RASA3: variants seen among roughly 807,000 people sequenced by gnomAD.
RASA3 encodes the protein ras GTPase-activating protein 3.
Under a neutral mutation model 110.0 loss-of-function variants are expected in RASA3, and 73 were observed. The observed-to-expected ratio is 0.66, with a 90% CI of 0.55 to 0.81. RASA3 has a LOEUF of 0.81. Ranked by LOEUF, RASA3 falls within the 30% of genes least tolerant of loss-of-function variation. RASA3 has a pLI of 0.00. For synonymous variants in RASA3, 500 were observed against 451.4 expected, an observed-to-expected ratio of 1.11 and a Z score of -1.37; for missense variants, 976 against 1,113.2, an observed-to-expected ratio of 0.88 and a Z score of 1.75.
intron 15 of RASA3, 84 bp downstream of exon 15, chr13:114,013,058 C>T (rs2053675607): frequency 1.7e-6 from 2 of 1,151,008 alleles, no homozygotes; most frequent in Non-Finnish European, 2.5e-6. Flanking sequence ...CACGGTCGGC[C>T]CCCTACAGCC....
At chr13:114,054,741 T>C (rs1265152156) in intron 2 of RASA3, among the ~76,000 whole-genome samples, 1 of 152,242 alleles carries the variant, frequency 6.6e-6, no homozygotes, top group Non-Finnish European at 1.5e-5. Flanking sequence ...TATCTTTCAA[T>C]GAAGGCAGAA....
intron 10 of RASA3, 70 bp downstream of exon 10, chr13:114,018,693 G>A: frequency 1.3e-6 from 2 of 1,570,902 alleles, no homozygotes; most frequent in South Asian, 2.3e-5. Flanking sequence ...GGTGGGCCCG[G>A]GTGTAGGGTG....
Position 114,021,469 on chromosome 13 carries a change from A to G in RASA3, c.720T>C (p.Asp240=). The change falls in exon 9 of 24, where the codon GAT becomes GAC. Residue 240 remains aspartate (D), a synonymous_variant. Transcript: ENST00000334062. ...LWNASNLKFG[D]EFLGELRIPL... ...GGATCCTTAGTTCTCCCAGGAATTC[A>G]TCTCCAAACTTCAGGTTACTGGCAT... is the stretch of plus-strand genomic sequence containing the variant. The G allele has an allele frequency of 6.2e-7, 1 of 1,614,012 alleles. No homozygotes were observed. Among genetic ancestry groups the G allele is most frequent in the East Asian group, 2.2e-5 (1 of 44,880 alleles).
At position 114,027,887 on chromosome 13, in the gene RASA3, A is replaced by G; in HGVS notation, c.490T>C (p.Cys164Arg). The G allele has an allele frequency of 6.2e-7, 1 of 1,613,920 alleles. No individual in the cohort carries two copies. Among genetic ancestry groups the G allele is most frequent in the South Asian group, 1.1e-5 (1 of 91,078 alleles). Residue 164 changes from cysteine (C) to arginine (R), a missense_variant, in exon 6 of 24, where the codon TGT becomes CGT. Cys to Arg is a radical substitution (Grantham distance 180). Transcript: ENST00000334062. Reference sequence around the variant, plus strand: ...AGCGTCACGGTGGCGTAGGGGTCACATTGCCCATTCACGATGGGGAGGCCC... The same window carrying G: ...AGCGTCACGGTGGCGTAGGGGTCACGTTGCCCATTCACGATGGGGAGGCCC... ...CQGLPIVNGQ[C>R]DPYATVTLAG...
intron 18 of RASA3, among the ~76,000 whole-genome samples, chr13:114,005,461 A>T (rs890402650): frequency 6.6e-6 from 1 of 152,042 alleles, no homozygotes; most frequent in Non-Finnish European, 1.5e-5. Context: ...TGGGACACAG[A>T]CGTCCCCCTC....
chr13:114,080,164 GTCCAGGGCTC>G (rs2079760287), intron 1 of RASA3, among the ~76,000 whole-genome samples: 1 of 152,162 alleles, frequency 6.6e-6, no homozygotes, highest in Non-Finnish European at 1.5e-5. Flanking sequence ...CCCAGGTCTT[GTCCAGGGCTC>G]TCCAGGGCAC....
intron 3 of RASA3, among the ~76,000 whole-genome samples, chr13:114,041,346 A>G (rs1400549240): frequency 6.6e-6 from 1 of 152,286 alleles, no homozygotes; most frequent in African/African-American, 2.4e-5. Context: ...TGAGCCGGGC[A>G]TGGTGGCACT....
chr13:114,020,468 G>A lies in RASA3; in HGVS notation c.785+936C>T, dbSNP rs114084196. ...GGGGGCCTGTGCCCGTGCCGTCTTC[G>A]TAGAATCAAAAGACACGCGTGTTTC... On this transcript the variant is annotated intron_variant, in intron 9 of 23. Transcript: ENST00000334062. 9.7e-3 allele frequency among the ~76,000 whole-genome samples: 1,480 copies of A among 152,314 alleles called. 26 individuals carry two copies. Among genetic ancestry groups the A allele is most frequent in the African/African-American group, 0.034 (1,408 of 41,556 alleles).
At chr13:114,103,014 C>T (rs560129890) in intron 1 of RASA3, among the ~76,000 whole-genome samples, 51 of 152,296 alleles carry the variant, frequency 3.3e-4, no homozygotes, top group African/African-American at 1.2e-3. Flanking sequence ...AGTGAGGCTG[C>T]GATGCTGTCA....
intron 22 of RASA3, among the ~76,000 whole-genome samples, chr13:113,991,360 T>A (rs1437879722): frequency 6.6e-6 from 1 of 152,202 alleles, no homozygotes; most frequent in Non-Finnish European, 1.5e-5. Context: ...TTGACACTTC[T>A]GGGTTAAATC....
At chr13:114,037,767 T>C (rs1309984594) in intron 4 of RASA3, among the ~76,000 whole-genome samples, 1 of 152,094 alleles carries the variant, frequency 6.6e-6, no homozygotes, top group Non-Finnish European at 1.5e-5. Context: ...ACTGGTGAAA[T>C]CTGGATAACA....
intron 22 of RASA3, among the ~76,000 whole-genome samples, chr13:113,990,853 G>A (rs1036262777): frequency 6.6e-6 from 1 of 152,196 alleles, no homozygotes; most frequent in Non-Finnish European, 1.5e-5. Context: ...TGTATTGCTG[G>A]GAACATGTGT....
At chr13:114,023,445 C>A (rs1467738778) in intron 8 of RASA3, among the ~76,000 whole-genome samples, 5 of 152,294 alleles carry the variant, frequency 3.3e-5, no homozygotes, top group East Asian at 3.9e-4. Context: ...GATTCGGGGG[C>A]TTCAGGGGAG....
At chr13:114,123,787 A>G (rs1415790576) in intron 1 of RASA3, among the ~76,000 whole-genome samples, 1 of 152,180 alleles carries the variant, frequency 6.6e-6, no homozygotes, top group African/African-American at 2.4e-5. Flanking sequence ...GCAGGTCCTA[A>G]GTGGACATCT....
At chr13:114,063,189 G>T (rs1322326550) in intron 2 of RASA3, among the ~76,000 whole-genome samples, 2 of 151,884 alleles carry the variant, frequency 1.3e-5, no homozygotes, top group Non-Finnish European at 2.9e-5. Flanking sequence ...TATTTTTAAA[G>T]AAACAAAATT....
At chr13:114,106,717 TG>T (rs2080139770) in intron 1 of RASA3, among the ~76,000 whole-genome samples, 3 of 152,332 alleles carry the variant, frequency 2.0e-5, no homozygotes, top group South Asian at 4.1e-4. Flanking sequence ...TAATTGTTTT[TG>T]GCTTAACACC....
At chr13:114,016,161 G>T in intron 13 of RASA3, 36 bp downstream of exon 13, 1 of 1,525,108 alleles carries the variant, frequency 6.6e-7, no homozygotes, top group Non-Finnish European at 9.1e-7. Context: ...CCCCAAGCAG[G>T]TGACTGGCTT....
At chr13:114,030,017 C>T (rs541540803) in intron 4 of RASA3, 130 bp from the exon 5 acceptor site, 12 of 760,320 alleles carry the variant, frequency 1.6e-5, no homozygotes, top group South Asian at 7.7e-5. Context: ...CCAATGGGCA[C>T]GTCCAGCCCC....
At chr13:114,102,972 C>T (rs1161161942) in intron 1 of RASA3, among the ~76,000 whole-genome samples, 1 of 152,082 alleles carries the variant, frequency 6.6e-6, no homozygotes, top group Non-Finnish European at 1.5e-5. Context: ...GTCCCTGAAC[C>T]AAACCACCCC....
Sources: gnomAD v4.1 joint callset for allele counts (sites outside exome capture counted in the v4.1 genomes callset) on GRCh38, gnomAD v4.1.1 for gene constraint, MANE v1.5 for transcripts, NCBI Gene and HGNC (gene_info 2026-07-23, HGNC 2026-07-21) for gene names.